MYOF: variants seen among roughly 807,000 people sequenced by gnomAD.
The protein encoded by MYOF is fer-1-like 3, myoferlin.
Under a neutral mutation model 284.2 loss-of-function variants are expected in MYOF, and 244 were observed. The ratio of observed to expected loss-of-function variants is 0.86; its 90% CI spans 0.77 to 0.95. MYOF has a LOEUF of 0.95. Among genes scored for constraint, MYOF ranks in the 40% least tolerant of loss-of-function variants. The pLI is 0.00. For missense variants in MYOF, 2,496 were observed against 2,560.6 expected, an observed-to-expected ratio of 0.97 and a Z score of 0.54; for synonymous variants, 904 against 919.7, an observed-to-expected ratio of 0.98 and a Z score of 0.31.
In MYOF at chr10:93,398,613, T is replaced by C. The variant is rs192110148; in HGVS notation, c.1221+779A>G. On this transcript the variant is annotated intron_variant, in intron 13 of 53. Transcript: ENST00000359263. ...GTAAACGATTTGCCTGCCTATGAAG[T>C]GGGGTAAAGCCTGAATTTAATTCAG... Among the ~76,000 whole-genome samples the C allele has an allele frequency of 2.2e-3, 328 of 152,282 alleles. 3 individuals are homozygous for C. The highest frequency in any genetic ancestry group is 7.3e-3 in the African/African-American group (304 of 41,570).
chr10:93,333,803 G>A lies in MYOF; in HGVS notation c.4674C>T (p.Tyr1558=), dbSNP rs1369821282. The change falls in exon 42 of 54, where the codon TAC becomes TAT. Residue 1558 remains tyrosine, a synonymous_variant. Transcript: ENST00000359263. ...SVPQECTVRI[Y]IVRGLELQPQ... Reference sequence around the variant, plus strand: ...GCTGGAGCTCTAAGCCTCGAACAATGTAAATCCTAACCGTGCATTCCTGTG... The same window carrying A: ...GCTGGAGCTCTAAGCCTCGAACAATATAAATCCTAACCGTGCATTCCTGTG... 1 of 1,614,064 alleles carries A rather than the reference G, an allele frequency of 6.2e-7. No individual in the cohort carries two copies. The highest frequency in any genetic ancestry group is 8.5e-7 in the Non-Finnish European group (1 of 1,180,044).
chr10:93,322,164 C>A (rs1338947971), intron 48 of MYOF, among the ~76,000 whole-genome samples: 1 of 152,104 alleles, frequency 6.6e-6, no homozygotes, highest in African/African-American at 2.4e-5. Flanking sequence ...CTAATTATAT[C>A]TTTAACAAAG....
intron 16 of MYOF, among the ~76,000 whole-genome samples, chr10:93,395,088 G>A (rs2134060102): frequency 6.6e-6 from 1 of 152,004 alleles, no homozygotes; most frequent in East Asian, 1.9e-4. Context: ...TGTTTCATGT[G>A]TTTAATCTCT....
chr10:93,423,665 C>T (rs925456098), intron 5 of MYOF, among the ~76,000 whole-genome samples: 7 of 150,852 alleles, frequency 4.6e-5, no homozygotes, highest in African/African-American at 1.7e-4. Flanking sequence ...AACCCTGTCT[C>T]TTCTAAAAAT....
intron 16 of MYOF, among the ~76,000 whole-genome samples, chr10:93,393,971 A>T (rs1324071262): frequency 2.0e-5 from 3 of 152,252 alleles, no homozygotes; most frequent in Non-Finnish European, 4.4e-5. Flanking sequence ...GTCTGTGATT[A>T]CATTTCCTTC....
At chr10:93,434,319 C>T (rs1288564364) in intron 3 of MYOF, among the ~76,000 whole-genome samples, 1 of 151,580 alleles carries the variant, frequency 6.6e-6, no homozygotes, top group Non-Finnish European at 1.5e-5. Context: ...GTAATCCCAG[C>T]TACTTGGGAG....
intron 50 of MYOF, among the ~76,000 whole-genome samples, chr10:93,313,960 T>A (rs1422788590): frequency 6.6e-6 from 1 of 152,112 alleles, no homozygotes; most frequent in East Asian, 1.9e-4. Context: ...TGTCCAAGAC[T>A]CTCCTAGTAA....
chr10:93,368,152 C>T (rs182870401), intron 25 of MYOF, among the ~76,000 whole-genome samples: 2 of 152,206 alleles, frequency 1.3e-5, no homozygotes, highest in Non-Finnish European at 2.9e-5. Flanking sequence ...TGAGCCTCTC[C>T]TTACCTATGC....
At chr10:93,480,527 G>A (rs572821821) in intron 1 of MYOF, among the ~76,000 whole-genome samples, 18 of 127,426 alleles carry the variant, frequency 1.4e-4, no homozygotes, top group African/African-American at 5.3e-4. Flanking sequence ...CCAGGTTGGA[G>A]TGCAGTAGCA....
intron 24 of MYOF, among the ~76,000 whole-genome samples, chr10:93,370,883 A>G (rs577265234): frequency 6.6e-6 from 1 of 152,230 alleles, no homozygotes; most frequent in East Asian, 1.9e-4. Context: ...TTTTAAACAT[A>G]AACAAAGTGA....
chr10:93,416,521 TGAAGAAAAAAGAA>T (rs915000699), intron 5 of MYOF, among the ~76,000 whole-genome samples: 1 of 151,448 alleles, frequency 6.6e-6, no homozygotes, highest in African/African-American at 2.4e-5. Flanking sequence ...AGACTCCATC[TGAAGAAAAAAGAA>T]AAAGAAAAAG....
intron 3 of MYOF, among the ~76,000 whole-genome samples, chr10:93,433,569 A>C (rs1336582001): frequency 1.3e-5 from 2 of 152,254 alleles, no homozygotes; most frequent in Non-Finnish European, 2.9e-5. Flanking sequence ...AAAGCTAAAC[A>C]TTGAGTCCTT....
intron 32 of MYOF, 45 bp from the exon 33 acceptor site, chr10:93,351,891 T>C (rs1844538889): frequency 6.5e-7 from 1 of 1,526,964 alleles, no homozygotes; most frequent in African/African-American, 1.4e-5. Flanking sequence ...GGCTAAAATC[T>C]AACTCCCCAG....
At chr10:93,346,751 A>G (rs1844201249) in intron 37 of MYOF, among the ~76,000 whole-genome samples, 1 of 152,148 alleles carries the variant, frequency 6.6e-6, no homozygotes, top group African/African-American at 2.4e-5. Context: ...TATTTATCAC[A>G]CTGGACTGCA....
rs765052999 is a variant in MYOF, at chr10:93,351,533, A to G, written c.3702T>C (p.Pro1234=). 9 of 1,614,104 alleles carry G rather than the reference A, an allele frequency of 5.6e-6. No homozygotes were observed. Among genetic ancestry groups the G allele is most frequent in the Non-Finnish European group, 7.6e-6 (9 of 1,180,048 alleles). The change falls in exon 34 of 54, where the codon CCT becomes CCC. Residue 1234 remains proline (P), a synonymous_variant. Transcript: ENST00000359263. ...DEFLGRSIFS[P]VVKLNSEMDI... ...CCATTTCTGAGTTCAGTTTCACCACAGGAGAGAAAATGCTTCGTCCTAAAA... is the reference window on the plus strand; with the variant it reads ...CCATTTCTGAGTTCAGTTTCACCACGGGAGAGAAAATGCTTCGTCCTAAAA...
chr10:93,350,098 G>T, intron 35 of MYOF, 129 bp from the exon 36 acceptor site: 1 of 937,898 alleles, frequency 1.1e-6, no homozygotes, highest in Non-Finnish European at 1.6e-6. Flanking sequence ...TAGTAAGCTT[G>T]TAGGTCATCC....
At chr10:93,433,401 C>A (rs1848961307) in intron 3 of MYOF, among the ~76,000 whole-genome samples, 1 of 152,192 alleles carries the variant, frequency 6.6e-6, no homozygotes, top group Non-Finnish European at 1.5e-5. Context: ...TCAGGTGATC[C>A]ACCTGCCTCA....
Position 93,402,833 on chromosome 10 carries a change from C to T in MYOF, c.874+27G>A, listed in dbSNP as rs200540150. On this transcript the variant is annotated intron_variant, in intron 10 of 53. Coordinates refer to ENST00000359263, the MANE Select transcript of MYOF (RefSeq NM_013451.4). ...GTTAGAAGGAATGAATTTAAGACTT[C>T]ATATTGATGGGGAGAACATTACTTA... The T allele has an allele frequency of 5.6e-6, 9 of 1,594,502 alleles. No homozygotes were observed. The Admixed American group carries it at 6.7e-5, about 12-fold the overall frequency.
chr10:93,329,756 C>T lies in MYOF; in HGVS notation c.4890G>A (p.Arg1630=), dbSNP rs767043948. 13 of 1,614,150 alleles carry T rather than the reference C, an allele frequency of 8.1e-6. No homozygotes were observed. The Middle Eastern group carries it at 4.9e-4, about 61-fold the overall frequency. ...TAATTGTTTCTCCTACTTTTTCATCCCGGGTAAAGGTGTCATAATCATAGA... is the reference window on the plus strand; with the variant it reads ...TAATTGTTTCTCCTACTTTTTCATCTCGGGTAAAGGTGTCATAATCATAGA... The part of the protein sequence containing the change: ...ISVYDYDTFT[R]DEKVGETIID... Residue 1630 remains arginine, a synonymous_variant, in exon 44 of 54, where the codon CGG becomes CGA. Coordinates refer to ENST00000359263, the MANE Select transcript of MYOF (RefSeq NM_013451.4).
Sources: gnomAD v4.1 joint callset for allele counts (sites outside exome capture counted in the v4.1 genomes callset) on GRCh38, gnomAD v4.1.1 for gene constraint, MANE v1.5 for transcripts, NCBI Gene and HGNC (gene_info 2026-07-23, HGNC 2026-07-21) for gene names.